TRIM2: variants seen among roughly 807,000 people sequenced by gnomAD.
The protein encoded by TRIM2 is tripartite motif containing 2, also known as tripartite motif-containing protein 2.
Under a neutral mutation model 75.2 loss-of-function variants are expected in TRIM2, and 20 were observed. That is an observed-to-expected ratio of 0.27 (90% confidence interval 0.19 to 0.39). The LOEUF is 0.39. Among genes scored for constraint, TRIM2 ranks in the 10% least tolerant of loss-of-function variants. TRIM2 has a pLI of 1.00. For synonymous variants in TRIM2, 373 were observed against 388.3 expected (o/e 0.96, Z 0.46); for missense variants, 660 against 990.8 (o/e 0.67, Z 4.48).
chr4:153,191,114 A>G (rs184443997), intron 1 of TRIM2, among the ~76,000 whole-genome samples: 123 of 152,294 alleles, frequency 8.1e-4, no homozygotes, highest in African/African-American at 2.7e-3. Flanking sequence ...TCTGAAGCTT[A>G]GCTTTTTTCA....
chr4:153,223,286 A>G (rs998749699), intron 1 of TRIM2, among the ~76,000 whole-genome samples: 2 of 152,058 alleles, frequency 1.3e-5, no homozygotes, highest in Non-Finnish European at 2.9e-5. Flanking sequence ...GGAGTCGCGG[A>G]CCTCTGCCGT....
In TRIM2 at chr4:153,317,070, C is replaced by T. The variant is rs374745512; in HGVS notation, c.1782+1071C>T. Among the ~76,000 whole-genome samples the T allele has an allele frequency of 6.0e-5, 9 of 150,954 alleles. No homozygotes were observed. In the South Asian group the frequency reaches 6.3e-4, roughly 11 times the overall value. ...TAACTTTTTGCATTTTTAGTAGAGA[C>T]GGGGTTTCACCGTGTTAGCTAGGAT... On this transcript the variant is annotated intron_variant, in intron 8 of 11. Transcript: ENST00000338700.
chr4:153,276,264 C>T, intron 3 of TRIM2, 134 bp downstream of exon 3: 1 of 739,982 alleles, frequency 1.4e-6, no homozygotes, highest in Non-Finnish European at 2.3e-6. Flanking sequence ...AAGATTTTTA[C>T]CAGCCCTCAG....
rs1399974696 is a variant in TRIM2 at position 153,339,095 on chromosome 4, T to A, written c.*4129T>A. On this transcript the variant is annotated 3_prime_UTR_variant, in exon 12 of 12. Transcript: ENST00000338700. The stretch of plus-strand genomic sequence containing the variant: ...TATATTCTCGTCATTTGTTCTTTTA[T>A]GAATCAAAATGTTGACTGCCTATTT... 4 of 985,754 alleles carry A rather than the reference T, an allele frequency of 4.1e-6. No homozygotes were observed. The highest frequency in any genetic ancestry group is 4.8e-6 in the Non-Finnish European group (4 of 829,930). The allele number at this position is 985,754 out of a possible 1,614,324, so 61.1% of individuals were successfully genotyped here.
intron 6 of TRIM2, chr4:153,307,920 C>A: frequency 1.3e-6 from 1 of 752,772 alleles, no homozygotes. Flanking sequence ...ATCTTGAGTC[C>A]CCATGCCCAT....
intron 1 of TRIM2, among the ~76,000 whole-genome samples, chr4:153,214,184 A>ATT (rs1737846747): frequency 6.6e-6 from 1 of 152,220 alleles, no homozygotes; most frequent in African/African-American, 2.4e-5. Flanking sequence ...AGTGCTTTTC[A>ATT]ATAACACTGA....
At chr4:153,306,376 G>A (rs377602217) in intron 6 of TRIM2, among the ~76,000 whole-genome samples, 73 of 152,154 alleles carry the variant, frequency 4.8e-4, no homozygotes, top group African/African-American at 1.5e-3. Flanking sequence ...TATTAACCAA[G>A]AAAAGGAAGC....
At chr4:153,307,390 T>C (rs1473183592) in intron 6 of TRIM2, among the ~76,000 whole-genome samples, 2 of 152,204 alleles carry the variant, frequency 1.3e-5, no homozygotes, top group Admixed American at 6.5e-5. Context: ...CAGTGTAATT[T>C]AAAATGGATG....
At chr4:153,219,596 C>T (rs186169300) in intron 1 of TRIM2, among the ~76,000 whole-genome samples, 7 of 152,274 alleles carry the variant, frequency 4.6e-5, no homozygotes, top group Admixed American at 1.3e-4. Flanking sequence ...GGGCCTAGAA[C>T]GGTAGCTTAC....
chr4:153,220,627 A>T (rs1739692589), intron 1 of TRIM2, among the ~76,000 whole-genome samples: 1 of 152,240 alleles, frequency 6.6e-6, no homozygotes, highest in South Asian at 2.1e-4. Context: ...CAACAATGTA[A>T]ATGTACTGTT....
intron 1 of TRIM2, among the ~76,000 whole-genome samples, chr4:153,211,600 C>A (rs1395181716): frequency 6.6e-6 from 1 of 151,798 alleles, no homozygotes; most frequent in Non-Finnish European, 1.5e-5. Flanking sequence ...ATTCTCCCAC[C>A]TTAGCCTCCC....
intron 1 of TRIM2, among the ~76,000 whole-genome samples, chr4:153,212,837 G>C (rs1397180985): frequency 6.6e-6 from 1 of 152,074 alleles, no homozygotes; most frequent in Admixed American, 6.6e-5. Context: ...AGTCTGTTCT[G>C]GTACTGCAGT....
intron 1 of TRIM2, among the ~76,000 whole-genome samples, chr4:153,220,630 G>A (rs1455792418): frequency 2.6e-5 from 4 of 152,146 alleles, no homozygotes; most frequent in South Asian, 2.1e-4. Flanking sequence ...CAATGTAAAT[G>A]TACTGTTCAC....
At chr4:153,316,395 T>G (rs1767591608) in intron 8 of TRIM2, among the ~76,000 whole-genome samples, 1 of 152,216 alleles carries the variant, frequency 6.6e-6, no homozygotes, top group Non-Finnish European at 1.5e-5. Context: ...TTCTCAGGCC[T>G]GTGACAGATG....
At chr4:153,261,953 T>G (rs1560905305) in intron 1 of TRIM2, among the ~76,000 whole-genome samples, 1 of 152,174 alleles carries the variant, frequency 6.6e-6, no homozygotes, top group Non-Finnish European at 1.5e-5. Flanking sequence ...CCAGAGATGA[T>G]GTGAGGGAAG....
intron 1 of TRIM2, among the ~76,000 whole-genome samples, chr4:153,255,507 T>C (rs1231673806): frequency 6.6e-6 from 1 of 152,192 alleles, no homozygotes; most frequent in African/African-American, 2.4e-5. Flanking sequence ...ACTCCTGTTG[T>C]AGTAAGTCAG....
At chr4:153,255,017 C>G (rs114930921) in intron 1 of TRIM2, among the ~76,000 whole-genome samples, 2,705 of 152,238 alleles carry the variant, frequency 0.018, 69 homozygotes, top group African/African-American at 0.062. Context: ...TGAAATGCTC[C>G]GCACACCCCG....
chr4:153,292,898 A>G, intron 3 of TRIM2, 84 bp from the exon 4 acceptor site: 16 of 1,285,322 alleles, frequency 1.2e-5, no homozygotes, highest in Non-Finnish European at 1.2e-5. Context: ...TTTAATTATG[A>G]GAGACTGCAA....
At position 153,186,742 on chromosome 4, in the gene TRIM2, C is replaced by G. The variant is rs910047083; in HGVS notation, c.-49+33472C>G. Among the ~76,000 whole-genome samples, 4 of 152,190 alleles carry G rather than the reference C, an allele frequency of 2.6e-5. No homozygotes were observed. The South Asian group carries it at 8.3e-4, about 31-fold the overall frequency. On this transcript the variant is annotated intron_variant, in intron 1 of 11. Coordinates refer to the TRIM2 transcript ENST00000437508. ...TCCTCTGGCTGAATTTGAGCCACAC[C>G]CTCACCTGATACCTGTCTCTGTTCA... is the stretch of plus-strand genomic sequence containing the variant.
Sources: allele counts gnomAD v4.1 joint callset (sites outside exome capture counted in the v4.1 genomes callset), GRCh38; gene constraint gnomAD v4.1.1; transcripts MANE v1.5; gene names NCBI Gene and HGNC (gene_info 2026-07-23, HGNC 2026-07-21).